Variants in EML6 observed in about 807,000 individuals in gnomAD.
The protein encoded by EML6 is EMAP like 6, also known as echinoderm microtubule-associated protein-like 6.
EML6 carries 154 observed loss-of-function variants against 240.1 expected under a neutral mutation model. The ratio of observed to expected loss-of-function variants is 0.64; its 90% CI spans 0.56 to 0.73. The LOEUF is 0.73. Among genes scored for constraint, EML6 ranks in the 30% least tolerant of loss-of-function variants. The pLI is 0.00. For synonymous variants in EML6, 1,148 were observed against 899.0 expected (o/e 1.28, Z -4.95); for missense variants, 2,964 against 2,474.6 (o/e 1.20, Z -4.20).
rs1413076102 is a variant in EML6, at chr2:54,831,505, G to A, written c.847+2028G>A. On this transcript the variant is annotated intron_variant, in intron 7 of 41. Transcript: ENST00000356458. ...CCCATCTACAGAGTTAGGACAGTCA[G>A]CGACGCCCTCCGTTATACATCAGTC... Among the ~76,000 whole-genome samples, 3 of 152,044 alleles carry A rather than the reference G, an allele frequency of 2.0e-5. No homozygotes were observed. In the East Asian group the frequency reaches 5.8e-4, roughly 30 times the overall value.
chr2:54,828,635 C>G (rs961322607), intron 6 of EML6, among the ~76,000 whole-genome samples: 35 of 152,256 alleles, frequency 2.3e-4, no homozygotes, highest in African/African-American at 8.4e-4. Context: ...TGAAACAGCT[C>G]TTAAAATAAT....
chr2:54,796,431 A>G (rs1179046302), intron 2 of EML6, among the ~76,000 whole-genome samples: 1 of 152,166 alleles, frequency 6.6e-6, no homozygotes, highest in African/African-American at 2.4e-5. Flanking sequence ...TCACATTTAT[A>G]TAACCTGTGC....
chr2:54,751,188 A>G (rs1397020595), intron 2 of EML6, among the ~76,000 whole-genome samples: 15 of 152,146 alleles, frequency 9.9e-5, no homozygotes, highest in Admixed American at 9.8e-4. Context: ...GACAAAGACA[A>G]TTTACTTGGG....
intron 28 of EML6, among the ~76,000 whole-genome samples, chr2:54,928,991 A>G (rs927878310): frequency 6.6e-6 from 1 of 151,184 alleles, no homozygotes; most frequent in Non-Finnish European, 1.5e-5. Flanking sequence ...TTGAATAGAC[A>G]TGAAATTTAG....
chr2:54,744,256 C>T (rs1430915763), intron 2 of EML6, among the ~76,000 whole-genome samples: 2 of 151,722 alleles, frequency 1.3e-5, no homozygotes, highest in African/African-American at 4.8e-5. Context: ...AAGGAAGGAC[C>T]CATAATGGTG....
chr2:54,741,992 C>T (rs1224523513), intron 2 of EML6, among the ~76,000 whole-genome samples: 1 of 152,106 alleles, frequency 6.6e-6, no homozygotes, highest in Non-Finnish European at 1.5e-5. Context: ...AAAGGACAAA[C>T]AATAAGTACA....
At chr2:54,917,455 C>G (rs1673984752) in intron 26 of EML6, among the ~76,000 whole-genome samples, 1 of 151,318 alleles carries the variant, frequency 6.6e-6, no homozygotes, top group Non-Finnish European at 1.5e-5. Context: ...ACTTCTGCCT[C>G]CCAGGTTCAG....
chr2:54,926,384 G>C (rs1674547726), intron 26 of EML6, among the ~76,000 whole-genome samples: 1 of 152,258 alleles, frequency 6.6e-6, no homozygotes, highest in Non-Finnish European at 1.5e-5. Context: ...TTACAGGCAT[G>C]AACCAGTGCA....
chr2:54,825,416 G>C (rs953598571), intron 5 of EML6, among the ~76,000 whole-genome samples: 1 of 152,032 alleles, frequency 6.6e-6, no homozygotes, highest in Non-Finnish European at 1.5e-5. Context: ...TTACAGGTGT[G>C]TGCTACCACT....
chr2:54,924,107 C>A (rs1440785891), intron 26 of EML6, among the ~76,000 whole-genome samples: 3 of 152,092 alleles, frequency 2.0e-5, no homozygotes, highest in Admixed American at 6.6e-5. Flanking sequence ...TAGACATATG[C>A]TTTCTTTCTC....
At chr2:54,820,031 C>G (rs1668258829) in intron 4 of EML6, among the ~76,000 whole-genome samples, 1 of 152,080 alleles carries the variant, frequency 6.6e-6, no homozygotes, top group African/African-American at 2.4e-5. Flanking sequence ...CTTTAAATTT[C>G]TATTGAAAAG....
At chr2:54,797,177 A>AAAAAAAC (rs1669850326) in intron 2 of EML6, among the ~76,000 whole-genome samples, 3 of 132,688 alleles carry the variant, frequency 2.3e-5, no homozygotes, top group African/African-American at 8.6e-5. Context: ...AAAAAAAAAA[A>AAAAAAAC]AAAAAAAAAA....
At chr2:54,735,555 A>C (rs759984722) in intron 2 of EML6, among the ~76,000 whole-genome samples, 229 of 152,332 alleles carry the variant, frequency 1.5e-3, no homozygotes, top group Middle Eastern at 0.014. Flanking sequence ...CTTAGACACC[A>C]AATTTGATTT....
chr2:54,854,981 G>A (rs1425823783), intron 11 of EML6, among the ~76,000 whole-genome samples: 1 of 152,204 alleles, frequency 6.6e-6, no homozygotes, highest in Non-Finnish European at 1.5e-5. Flanking sequence ...GGTCTCTAGT[G>A]TCAGAACTTG....
intron 26 of EML6, among the ~76,000 whole-genome samples, chr2:54,921,822 AAGG>A (rs1248977837): frequency 6.6e-6 from 1 of 152,156 alleles, no homozygotes; most frequent in African/African-American, 2.4e-5. Context: ...AATATACGGT[AAGG>A]AGAAGACAGT....
intron 24 of EML6, among the ~76,000 whole-genome samples, chr2:54,906,470 A>G (rs1673334393): frequency 6.6e-6 from 1 of 152,150 alleles, no homozygotes; most frequent in Non-Finnish European, 1.5e-5. Context: ...AAACCTCCCT[A>G]TTTCCATAAT....
At chr2:54,826,311 C>G (rs929955780) in intron 5 of EML6, among the ~76,000 whole-genome samples, 2 of 152,190 alleles carry the variant, frequency 1.3e-5, no homozygotes, top group African/African-American at 4.8e-5. Flanking sequence ...ATATCAAGGG[C>G]AGTGAGGTTA....
rs141604690 is a variant in EML6 at position 54,730,347 on chromosome 2, G to A, written c.197+5089G>A. Among the ~76,000 whole-genome samples, 311 of 152,292 alleles carry A rather than the reference G, an allele frequency of 2.0e-3. 3 individuals are homozygous for A. The highest frequency in any genetic ancestry group is 0.013 in the Admixed American group (204 of 15,306). On this transcript the variant is annotated intron_variant, in intron 2 of 41. Coordinates refer to ENST00000356458, the MANE Select transcript of EML6 (RefSeq NM_001039753.4). ...TCTAACAGCCATGATTGGGCCTGGA[G>A]TGTCAGGTAAGCAAGTTCACATGAA... is the stretch of plus-strand genomic sequence containing the variant.
chr2:54,846,526 C>T (rs573496738), intron 8 of EML6, among the ~76,000 whole-genome samples: 1 of 150,108 alleles, frequency 6.7e-6, no homozygotes, highest in South Asian at 2.1e-4. Flanking sequence ...CTCTGTTTCC[C>T]AGGCTGGAGT....
Sources: gnomAD v4.1 joint callset for allele counts (sites outside exome capture counted in the v4.1 genomes callset) on GRCh38, gnomAD v4.1.1 for gene constraint, MANE v1.5 for transcripts, NCBI Gene and HGNC (gene_info 2026-07-23, HGNC 2026-07-21) for gene names.